The following BOD1L1 variants were observed in gnomAD, a reference collection of about 807,000 sequenced individuals.
The protein encoded by BOD1L1 is biorientation of chromosomes in cell division 1 like 1.
A neutral mutation model predicts 240.7 loss-of-function variants in BOD1L1; 86 were observed. That is an observed-to-expected ratio of 0.36 (90% confidence interval 0.30 to 0.43). The LOEUF (loss-of-function observed/expected upper bound fraction) is 0.43, where lower values mean the gene tolerates loss of function less well. Among genes scored for constraint, BOD1L1 ranks in the 20% least tolerant of loss-of-function variants. BOD1L1 has a pLI of 1.00. For synonymous variants in BOD1L1, 1,268 were observed against 1,272.3 expected, an observed-to-expected ratio of 1.00 and a Z score of 0.07; for missense variants, 3,554 against 3,643.5, an observed-to-expected ratio of 0.98 and a Z score of 0.63.
chr4:13,626,319 C>CA (rs71169520), intron 1 of BOD1L1: 10,001 of 42,548 alleles, frequency 0.24, 875 homozygotes, highest in Non-Finnish European at 0.29. Flanking sequence ...GACTCTGTCT[C>CA]AAAAAAAAAA....
chr4:13,601,145 C>T lies in BOD1L1; in HGVS notation c.5755G>A (p.Ala1919Thr). The part of the protein sequence containing the change: ...GTVVEHVEAE[A>T]GAAIMNANEN... ...TTTGCATTCATGATGGCAGCTCCAG[C>T]CTCAGCTTCCACATGCTCTACCACA... The change falls in exon 10 of 26, where the codon GCT becomes ACT. Residue 1919 changes from alanine to threonine, a missense_variant. Ala to Thr is a moderately conservative substitution (Grantham distance 58). Around this residue, in one of 2 missense-constraint regions of BOD1L1, gnomAD observed 3,393 missense variants for 3,427.1 expected, o/e 0.99. Transcript: ENST00000040738. 6.2e-7 allele frequency: 1 copy of T among 1,614,038 alleles called. No individual in the cohort carries two copies. The highest frequency in any genetic ancestry group is 8.5e-7 in the Non-Finnish European group (1 of 1,179,902).
rs766928583 is a variant in BOD1L1 at position 13,613,201 on chromosome 4, C to T, written c.1324+311G>A. Among the ~76,000 whole-genome samples, 2 of 152,156 alleles carry T rather than the reference C, an allele frequency of 1.3e-5. No homozygotes were observed. The highest frequency in any genetic ancestry group is 4.8e-5 in the African/African-American group (2 of 41,442). On this transcript the variant is annotated intron_variant, in intron 5 of 25. Coordinates refer to ENST00000040738, the MANE Select transcript of BOD1L1 (RefSeq NM_148894.3). The surrounding 1 kb of genome is among the most constrained non-coding windows in gnomAD (Gnocchi z 4.0). ...TAATTGAGGGCAGTGTTGTGGACTA[C>T]GCTGTCCCCAAATGTGACACACACA...
intron 14 of BOD1L1, among the ~76,000 whole-genome samples, chr4:13,589,134 G>A (rs757958909): frequency 6.6e-6 from 1 of 152,180 alleles, no homozygotes; most frequent in Non-Finnish European, 1.5e-5. Flanking sequence ...AAGCATCACT[G>A]AAAATAATGA....
rs115549230 is a variant in BOD1L1, at chr4:13,595,149, T to A, written c.8104+711A>T. Among the ~76,000 whole-genome samples the A allele has an allele frequency of 3.0e-3, 457 of 152,352 alleles. 2 individuals are homozygous for A. Among genetic ancestry groups the A allele is most frequent in the Middle Eastern group, 0.027 (8 of 294 alleles). On this transcript the variant is annotated intron_variant, in intron 12 of 25. Coordinates refer to ENST00000040738, the MANE Select transcript of BOD1L1 (RefSeq NM_148894.3). The stretch of plus-strand genomic sequence containing the variant: ...GCCATTTTTCATGAAAAAAGAGTTG[T>A]TAACTTATAGTGAGTTAATTATATT...
intron 3 of BOD1L1, among the ~76,000 whole-genome samples, 154 bp from the exon 4 acceptor site, chr4:13,614,964 T>C (rs1428191470): frequency 6.6e-6 from 1 of 152,196 alleles, no homozygotes; most frequent in African/African-American, 2.4e-5. Context: ...AGTACTAGTA[T>C]ATACCATATT....
intron 2 of BOD1L1, among the ~76,000 whole-genome samples, chr4:13,619,211 C>T (rs766784172): frequency 4.7e-5 from 7 of 148,898 alleles, no homozygotes; most frequent in Non-Finnish European, 7.4e-5. Context: ...AGGAGGATGA[C>T]GTTGGGAGGT....
At chr4:13,608,059 G>A (rs1326377794) in intron 8 of BOD1L1, among the ~76,000 whole-genome samples, 1 of 152,112 alleles carries the variant, frequency 6.6e-6, no homozygotes. Context: ...AAAAGTTAAC[G>A]ATGATAATGC....
At chr4:13,577,527 G>A (rs1446510649) in intron 23 of BOD1L1, 40 bp from the exon 24 acceptor site, 5 of 1,602,172 alleles carry the variant, frequency 3.1e-6, no homozygotes, top group Middle Eastern at 3.3e-4. Context: ...GTGGTCAGCT[G>A]AGCATTTAAG....
chr4:13,590,520 G>A, intron 13 of BOD1L1, 74 bp from the exon 14 acceptor site: 1 of 718,656 alleles, frequency 1.4e-6, no homozygotes, highest in East Asian at 3.1e-5. Flanking sequence ...GAAGAGAGAA[G>A]GTAATTTACA....
rs763117265 is a variant in BOD1L1, at chr4:13,600,695, T to C, written c.6205A>G (p.Lys2069Glu). 5 of 1,614,000 alleles carry C rather than the reference T, an allele frequency of 3.1e-6. No homozygotes were observed. Among genetic ancestry groups the C allele is most frequent in the Non-Finnish European group, 4.2e-6 (5 of 1,179,884 alleles). ...GTACTGGTGGAAATAATCAAAACTT[T>C]GCCTTGATTTTTACCCCCTGCTAAG... Reference protein sequence around the residue: ...NSLAGGKNQGKVLIISTSTTN... With the variant: ...NSLAGGKNQGEVLIISTSTTN... Residue 2069 changes from lysine to glutamate, a missense_variant, in exon 10 of 26, where the codon AAA (lysine) becomes GAA (glutamate). Physicochemically the swap from Lys to Glu is moderately conservative, Grantham distance 56 (BLOSUM62 1). Transcript: ENST00000040738.
chr4:13,620,525 G>C (rs1716965662), intron 1 of BOD1L1, among the ~76,000 whole-genome samples: 1 of 152,172 alleles, frequency 6.6e-6, no homozygotes, highest in Non-Finnish European at 1.5e-5. Context: ...CCTCCAAATT[G>C]GTGGTCCAAT....
chr4:13,618,374 G>T (rs931263627), intron 2 of BOD1L1, among the ~76,000 whole-genome samples: 2 of 152,132 alleles, frequency 1.3e-5, no homozygotes, highest in African/African-American at 4.8e-5. Context: ...TGTGTGAAGG[G>T]GTGCTCTACC....
chr4:13,572,127 T>C (rs1712259686), intron 25 of BOD1L1, among the ~76,000 whole-genome samples: 1 of 152,162 alleles, frequency 6.6e-6, no homozygotes, highest in Non-Finnish European at 1.5e-5. Flanking sequence ...ATGTGGCATC[T>C]CAAGTGCCCA....
rs750323320 is a variant in BOD1L1 at position 13,601,969 on chromosome 4, C to G, written c.4931G>C (p.Ser1644Thr). ...HAVKIEANVN[S>T]VVTEEKDDAV... ...ATCATCCTTTTCCTCTGTCACAACG[C>G]TATTTACATTGGCTTCGATTTTAAC... is the stretch of plus-strand genomic sequence containing the variant. Residue 1644 changes from serine to threonine, a missense_variant, in exon 10 of 26, where the codon AGC becomes ACC. This residue lies in a region of BOD1L1 where 3,393 missense variants were observed against 3,427.1 expected (regional missense o/e 0.99). Transcript: ENST00000040738. 5 of 1,613,986 alleles carry G rather than the reference C, an allele frequency of 3.1e-6. No individual in the cohort carries two copies. The South Asian group carries it at 4.4e-5, about 14-fold the overall frequency.
chr4:13,590,362 TA>T, intron 14 of BOD1L1, 23 bp downstream of exon 14: 3 of 1,291,220 alleles, frequency 2.3e-6, no homozygotes, highest in Non-Finnish European at 3.3e-6. Context: ...ATTAAAACTA[TA>T]ACTATGAAAT....
In BOD1L1 at chr4:13,604,548, A is replaced by T. The variant is rs149462456; in HGVS notation, c.2352T>A (p.Asp784Glu). Residue 784 changes from aspartate (D) to glutamate (E), a missense_variant, in exon 10 of 26, where the codon GAT becomes GAA. Coordinates refer to ENST00000040738, the MANE Select transcript of BOD1L1 (RefSeq NM_148894.3). ...GTTTACTTTTTCGTTCGGTTTTATCATCTGAAGAAAGCTTTGTTTGTTGAC... is the reference window on the plus strand; with the variant it reads ...GTTTACTTTTTCGTTCGGTTTTATCTTCTGAAGAAAGCTTTGTTTGTTGAC... ...KQSQQTKLSS[D>E]DKTERKSKHR... is the part of the protein sequence containing the mutation. 1.1e-3 allele frequency: 1,705 copies of T among 1,547,822 alleles called. 2 individuals are homozygous for T. The highest frequency in any genetic ancestry group is 1.4e-3 in the Non-Finnish European group (1,585 of 1,155,892).
In BOD1L1 at chr4:13,599,869, A is replaced by G. The variant is rs2108939101; in HGVS notation, c.7031T>C (p.Ile2344Thr). 1 of 1,613,972 alleles carries G rather than the reference A, an allele frequency of 6.2e-7. No homozygotes were observed. The highest frequency in any genetic ancestry group is 2.2e-5 in the East Asian group (1 of 44,870). ...CAGCTGATTCTCTTCATGTCTGTCA[A>G]TGCTGGCGGAAATTGGCATACATTC... ...TAECMPISAS[I>T]DRHEENQLTA... Residue 2344 changes from isoleucine (I) to threonine (T), a missense_variant, in exon 10 of 26, where the codon ATT (isoleucine) becomes ACT (threonine). By Grantham distance (89) the Ile-to-Thr change is moderately conservative (BLOSUM62 -1). This residue lies in a region of BOD1L1 where 3,393 missense variants were observed against 3,427.1 expected (regional missense o/e 0.99). Coordinates refer to ENST00000040738, the MANE Select transcript of BOD1L1 (RefSeq NM_148894.3).
rs1715049709 is a variant in BOD1L1, at chr4:13,600,595, T to A, written c.6305A>T (p.Glu2102Val). ...TACTCTGGTACCTTCCATATTTTCT[T>A]CAGTTCTCAGAGCATCTGAGAGACC... Reference protein sequence around the residue: ...EGGLSDALRTEENMEGTRVTT... With the variant: ...EGGLSDALRTVENMEGTRVTT... Residue 2102 changes from glutamate (E) to valine (V), a missense_variant, in exon 10 of 26, where the codon GAA becomes GTA. Physicochemically the swap from Glu to Val is moderately radical, Grantham distance 121. Transcript: ENST00000040738. 3 of 1,613,788 alleles carry A rather than the reference T, an allele frequency of 1.9e-6. No individual in the cohort carries two copies. The East Asian group carries it at 6.7e-5, about 36-fold the overall frequency.
chr4:13,573,797 T>C (rs548277593), intron 25 of BOD1L1, among the ~76,000 whole-genome samples: 1 of 152,336 alleles, frequency 6.6e-6, no homozygotes, highest in South Asian at 2.1e-4. Context: ...GTGCTGGGAT[T>C]ACAGGCGTGA....
Sources: allele counts gnomAD v4.1 joint callset (sites outside exome capture counted in the v4.1 genomes callset), GRCh38; gene constraint gnomAD v4.1.1; regional missense constraint gnomAD v4.1.1; non-coding constraint Gnocchi (gnomAD v3.1); transcripts MANE v1.5; gene names NCBI Gene and HGNC (gene_info 2026-07-23, HGNC 2026-07-21).